Variants in TMC2 observed in about 807,000 individuals in gnomAD.
TMC2 encodes transmembrane channel like 2, also known as transmembrane channel-like protein 2.
In TMC2, 102 loss-of-function variants were observed where a neutral mutation model predicts 105.9. That is an observed-to-expected ratio of 0.96 (90% CI 0.82 to 1.14). TMC2 has a LOEUF of 1.14. Among genes scored for constraint, TMC2 ranks in the 50% most tolerant of loss-of-function variants. The pLI is 0.00. For synonymous variants in TMC2, 402 were observed against 422.8 expected, an observed-to-expected ratio of 0.95 and a Z score of 0.60; for missense variants, 1,093 against 1,134.3, an observed-to-expected ratio of 0.96 and a Z score of 0.52.
chr20:2,578,181 G>A (rs145028554), intron 5 of TMC2, among the ~76,000 whole-genome samples: 8 of 151,918 alleles, frequency 5.3e-5, no homozygotes, highest in South Asian at 4.2e-4. Context: ...TTGGCCAGGC[G>A]TGGTGGTGCG....
intron 7 of TMC2, among the ~76,000 whole-genome samples, chr20:2,588,020 C>CG (rs367655271): frequency 6.6e-6 from 1 of 151,620 alleles, no homozygotes; most frequent in African/African-American, 2.4e-5. Flanking sequence ...AATCCCCCCC[C>CG]CCTTTGAGTA....
At chr20:2,563,656 C>T (rs984786758) in intron 4 of TMC2, among the ~76,000 whole-genome samples, 6 of 152,086 alleles carry the variant, frequency 3.9e-5, no homozygotes, top group Non-Finnish European at 5.9e-5. Flanking sequence ...GGAGGTAATG[C>T]GTATGTTAAT....
At chr20:2,588,250 C>T (rs1206755078) in intron 7 of TMC2, among the ~76,000 whole-genome samples, 1 of 152,098 alleles carries the variant, frequency 6.6e-6, no homozygotes, top group Non-Finnish European at 1.5e-5. Flanking sequence ...TGAGTGTGGC[C>T]GCCATCTGCC....
At chr20:2,571,770 G>A (rs756029681) in intron 4 of TMC2, among the ~76,000 whole-genome samples, 6 of 152,216 alleles carry the variant, frequency 3.9e-5, no homozygotes, top group Non-Finnish European at 7.3e-5. Context: ...GGAGGCCGAG[G>A]CAGGTGACTG....
chr20:2,586,851 CA>C (rs950815061), intron 7 of TMC2, among the ~76,000 whole-genome samples: 95 of 152,280 alleles, frequency 6.2e-4, no homozygotes, highest in African/African-American at 2.3e-3. Context: ...ATTTTAGTTG[CA>C]TGCCATATAC....
intron 2 of TMC2, among the ~76,000 whole-genome samples, chr20:2,543,390 C>T (rs1444438615): frequency 2.6e-5 from 4 of 152,122 alleles, no homozygotes; most frequent in African/African-American, 4.8e-5. Flanking sequence ...GAAGGAAGGC[C>T]GGAACTTACT....
chr20:2,538,701 G>A (rs761703137), intron 2 of TMC2, among the ~76,000 whole-genome samples: 17 of 152,182 alleles, frequency 1.1e-4, no homozygotes, highest in Non-Finnish European at 2.4e-4. Context: ...AATATTCCAC[G>A]TTGCCGCTGC....
chr20:2,578,439 G>A (rs982305104), intron 5 of TMC2, among the ~76,000 whole-genome samples: 2 of 152,148 alleles, frequency 1.3e-5, no homozygotes, highest in Non-Finnish European at 2.9e-5. Flanking sequence ...ATTCCAAATG[G>A]ATTTGTTTCC....
At chr20:2,551,910 G>C (rs933895991) in intron 2 of TMC2, among the ~76,000 whole-genome samples, 5 of 152,156 alleles carry the variant, frequency 3.3e-5, no homozygotes, top group African/African-American at 1.2e-4. Context: ...TAGAGCTTTA[G>C]AGTCTTGATG....
Position 2,592,231 on chromosome 20 carries a change from C to A in TMC2, c.835-79C>A. The A allele has an allele frequency of 2.3e-6, 2 of 855,316 alleles. No homozygotes were observed. The highest frequency in any genetic ancestry group is 3.9e-6 in the Non-Finnish European group (2 of 509,010). 53.0% of individuals were successfully genotyped at this position (855,316 alleles called of 1,614,324 possible). ...GTGTATTCCGCTCTGAGAAGGAAAG[C>A]ATTTACCCCAGTATATGAATGTCTC... On this transcript the variant is annotated intron_variant, in intron 7 of 19. Transcript: ENST00000358864. The surrounding 1 kb of genome is among the most constrained non-coding windows in gnomAD (Gnocchi z 4.9).
intron 4 of TMC2, among the ~76,000 whole-genome samples, chr20:2,562,378 C>T (rs559170154): frequency 6.6e-6 from 1 of 152,268 alleles, no homozygotes; most frequent in Non-Finnish European, 1.5e-5. Context: ...GAGCAGCTCT[C>T]TCTCATGTTC....
At position 2,613,385 on chromosome 20, in the gene TMC2, T is replaced by C. The variant is rs983543837; in HGVS notation, c.1872+63T>C. ...TTTCAACTATCTTCTTTGATACTTA[T>C]AGCCAGATGCATTCTTGGGCATTTC... is the stretch of plus-strand genomic sequence containing the variant. On this transcript the variant is annotated intron_variant, in intron 14 of 19. Coordinates refer to ENST00000358864, the MANE Select transcript of TMC2 (RefSeq NM_080751.3). 11 of 1,604,002 alleles carry C rather than the reference T, an allele frequency of 6.9e-6. No individual in the cohort carries two copies. In the African/African-American group the frequency reaches 9.4e-5, roughly 14 times the overall value.
Position 2,539,995 on chromosome 20 carries a change from T to C in TMC2, c.82+2679T>C, listed in dbSNP as rs796454272. Among the ~76,000 whole-genome samples the C allele has an allele frequency of 3.5e-3, 476 of 137,580 alleles. 4 individuals carry two copies. The highest frequency in any genetic ancestry group is 0.015 in the Middle Eastern group (4 of 272). The allele number at this position is 137,580 out of a possible 152,430, so 90.3% of individuals were successfully genotyped here. ...CTATTCTTTTCTTTTCTTTTCTTTTTTTTTTTTTTTTTTGAGATGGAGTCT... is the reference window on the plus strand; with the variant it reads ...CTATTCTTTTCTTTTCTTTTCTTTTCTTTTTTTTTTTTTGAGATGGAGTCT... On this transcript the variant is annotated intron_variant, in intron 2 of 19. Transcript: ENST00000358864.
chr20:2,542,695 A>T (rs1376689198), intron 2 of TMC2, among the ~76,000 whole-genome samples: 1 of 135,744 alleles, frequency 7.4e-6, no homozygotes, highest in Non-Finnish European at 1.6e-5. Context: ...TCTTTAGTCC[A>T]CAATTTTTTT....
intron 2 of TMC2, among the ~76,000 whole-genome samples, chr20:2,547,655 A>T (rs2085933325): frequency 6.6e-6 from 1 of 152,220 alleles, no homozygotes; most frequent in African/African-American, 2.4e-5. Context: ...AAAGGTATTT[A>T]ACTTCATTTG....
At chr20:2,536,693 G>T in intron 1 of TMC2, 38 bp downstream of exon 1, 2 of 1,560,056 alleles carry the variant, frequency 1.3e-6, no homozygotes, top group South Asian at 2.4e-5. Flanking sequence ...CCCGCCCACA[G>T]GGTTCCTGGG....
At chr20:2,619,044 C>T (rs1247609268) in intron 16 of TMC2, among the ~76,000 whole-genome samples, 1 of 152,188 alleles carries the variant, frequency 6.6e-6, no homozygotes, top group Non-Finnish European at 1.5e-5. Context: ...CCGCCTCACT[C>T]TAGTCCCAAC....
Position 2,613,247 on chromosome 20 carries a change from G to T in TMC2, c.1797G>T (p.Leu599=). Residue 599 remains leucine, a synonymous_variant, in exon 14 of 20, where the codon CTG becomes CTT. Coordinates refer to ENST00000358864, the MANE Select transcript of TMC2 (RefSeq NM_080751.3). ...SDMLVTYITI[L]LGDFLRACFV... Reference sequence around the variant, plus strand: ...TGCTGGTAACGTACATCACCATCCTGCTGGGGGACTTCCTACGGGCTTGTT... The same window carrying T: ...TGCTGGTAACGTACATCACCATCCTTCTGGGGGACTTCCTACGGGCTTGTT... The T allele has an allele frequency of 6.2e-7, 1 of 1,614,074 alleles. No individual in the cohort carries two copies. Among genetic ancestry groups the T allele is most frequent in the Middle Eastern group, 1.6e-4 (1 of 6,062 alleles).
At chr20:2,620,154 A>C (rs2086514781) in intron 16 of TMC2, among the ~76,000 whole-genome samples, 1 of 152,234 alleles carries the variant, frequency 6.6e-6, no homozygotes, top group Non-Finnish European at 1.5e-5. Flanking sequence ...TCCCAAGCAA[A>C]GTATTGAAGG....
Sources: gnomAD v4.1 joint callset for allele counts (sites outside exome capture counted in the v4.1 genomes callset) on GRCh38, gnomAD v4.1.1 for gene constraint, Gnocchi (gnomAD v3.1) non-coding constraint, MANE v1.5 for transcripts, NCBI Gene and HGNC (gene_info 2026-07-23, HGNC 2026-07-21) for gene names.